The following TRMT9B variants were observed in gnomAD, a reference collection of about 807,000 sequenced individuals.
The protein encoded by TRMT9B is tRNA methyltransferase 9B (putative), also known as probable tRNA methyltransferase 9B.
A neutral mutation model predicts 11.5 loss-of-function variants in TRMT9B; 16 were observed. The ratio of observed to expected loss-of-function variants is 1.39; its 90% CI spans 0.94 to 2.11. The LOEUF (loss-of-function observed/expected upper bound fraction) is 2.11, where lower values mean the gene tolerates loss of function less well. Ranked by LOEUF, TRMT9B falls within the 30% of genes most tolerant of loss-of-function variation. TRMT9B has a pLI of 0.00. For synonymous variants in TRMT9B, 274 were observed against 192.4 expected, an observed-to-expected ratio of 1.42 and a Z score of -3.51; for missense variants, 941 against 553.8, an observed-to-expected ratio of 1.70 and a Z score of -7.02.
At chr8:12,972,507 C>A (rs1803789958) in intron 1 of TRMT9B, among the ~76,000 whole-genome samples, 1 of 152,188 alleles carries the variant, frequency 6.6e-6, no homozygotes, top group Admixed American at 6.5e-5. Context: ...AGGGCTGTTG[C>A]TGGCCAACTC....
At chr8:12,974,726 C>A (rs1474578396) in intron 1 of TRMT9B, among the ~76,000 whole-genome samples, 2 of 152,178 alleles carry the variant, frequency 1.3e-5, no homozygotes, top group Non-Finnish European at 2.9e-5. Flanking sequence ...AAAAGCATTT[C>A]ACTTCTCTTG....
intron 3 of TRMT9B, 112 bp from the exon 4 acceptor site, chr8:13,012,572 C>G (rs1162102625): frequency 1.5e-6 from 2 of 1,350,052 alleles, no homozygotes; most frequent in South Asian, 1.6e-5. Flanking sequence ...GAGACTCTGT[C>G]TCAAAATAAA....
intron 4 of TRMT9B, among the ~76,000 whole-genome samples, chr8:13,015,052 C>T (rs1267382188): frequency 6.7e-6 from 1 of 148,664 alleles, no homozygotes; most frequent in East Asian, 2.0e-4. Flanking sequence ...GAGTGAGACT[C>T]CATCTGAAAT....
chr8:12,956,310 C>G (rs982087028), intron 1 of TRMT9B, among the ~76,000 whole-genome samples: 2 of 152,070 alleles, frequency 1.3e-5, no homozygotes, highest in Non-Finnish European at 2.9e-5. Flanking sequence ...TAGAGATTGA[C>G]TTTGGAAAGG....
intron 2 of TRMT9B, among the ~76,000 whole-genome samples, chr8:12,997,439 G>T (rs1484591984): frequency 6.6e-6 from 1 of 152,106 alleles, no homozygotes. Context: ...CTGGTGCCAT[G>T]CTTGTACAGC....
intron 1 of TRMT9B, among the ~76,000 whole-genome samples, chr8:12,976,618 C>T (rs865930131): frequency 6.6e-6 from 1 of 152,004 alleles, no homozygotes; most frequent in African/African-American, 2.4e-5. Flanking sequence ...AATAACATAT[C>T]AGTACAGATT....
At chr8:13,005,941 G>A (rs561768973) in intron 2 of TRMT9B, among the ~76,000 whole-genome samples, 20 of 152,338 alleles carry the variant, frequency 1.3e-4, no homozygotes, top group African/African-American at 4.3e-4. Context: ...ATCTTGTACA[G>A]GAACTTATTA....
chr8:13,010,133 A>AAC, intron 3 of TRMT9B: 1 of 444,068 alleles, frequency 2.3e-6, no homozygotes, highest in Non-Finnish European at 3.0e-6. Flanking sequence ...GTGAGACCCT[A>AAC]TCTGAAAAAA....
intron 2 of TRMT9B, among the ~76,000 whole-genome samples, chr8:12,994,391 T>C (rs1807961050): frequency 6.6e-6 from 1 of 152,244 alleles, no homozygotes; most frequent in Non-Finnish European, 1.5e-5. Context: ...CTAGAAGGTA[T>C]TGACTAGGCA....
chr8:12,988,136 C>T (rs1030524209), intron 1 of TRMT9B, among the ~76,000 whole-genome samples: 2 of 152,004 alleles, frequency 1.3e-5, no homozygotes, highest in Non-Finnish European at 2.9e-5. Context: ...CTGGAATCAC[C>T]CACTTCTCCT....
At chr8:12,995,898 G>C (rs1253586189) in intron 2 of TRMT9B, among the ~76,000 whole-genome samples, 2 of 152,160 alleles carry the variant, frequency 1.3e-5, no homozygotes, top group African/African-American at 4.8e-5. Context: ...ATAAACAGTA[G>C]ACTAAATATC....
chr8:13,014,201 C>A (rs1427752094), intron 4 of TRMT9B, among the ~76,000 whole-genome samples: 1 of 152,190 alleles, frequency 6.6e-6, no homozygotes, highest in Non-Finnish European at 1.5e-5. Flanking sequence ...TGGAAACTTG[C>A]TCTCTGATAG....
At chr8:12,984,939 C>A (rs527947669) in intron 1 of TRMT9B, among the ~76,000 whole-genome samples, 1 of 147,480 alleles carries the variant, frequency 6.8e-6, no homozygotes, top group Non-Finnish European at 1.5e-5. Context: ...CCTCTTACAA[C>A]CACCTCCCTC....
At chr8:12,947,335 A>T (rs1196618090) in intron 1 of TRMT9B, among the ~76,000 whole-genome samples, 1 of 152,208 alleles carries the variant, frequency 6.6e-6, no homozygotes, top group African/African-American at 2.4e-5. Context: ...CCACTTCCTT[A>T]TGCATCAAGA....
rs1016741646 is a variant in TRMT9B, at chr8:13,007,485, C to G, written c.154+1129C>G. ...GTAAGTCTGTAGTTGCAAAGTGTGT[C>G]TAGTTTGATATTCTTTCTAAATACT... On this transcript the variant is annotated intron_variant, in intron 3 of 4. Coordinates refer to ENST00000524591, the MANE Select transcript of TRMT9B (RefSeq NM_020844.3). 2.6e-5 allele frequency: 4 copies of G among 152,240 alleles called. No homozygotes were observed. The East Asian group carries it at 7.7e-4, about 29-fold the overall frequency. The allele number at this position is 152,240 out of a possible 1,614,324, so 9.4% of individuals were successfully genotyped here.
Position 13,006,271 on chromosome 8 carries a change from C to G in TRMT9B, c.69C>G (p.Tyr23Ter). ...ATGTGTACGAGAGCACAGCCCCTTA[C>G]TTCAGCGACCTGCAGAGCAAAGCCT... Reference protein sequence around the residue: ...VHNVYESTAPYFSDLQSKAWP... With the variant: ...VHNVYESTAP Residue 23 changes from tyrosine (Y) to a stop codon, truncating the protein, a stop_gained, in exon 3 of 5, where the codon TAC (tyrosine) becomes TAG (stop). Transcript: ENST00000524591. LOFTEE classifies it high-confidence loss of function. 2 of 1,614,008 alleles carry G rather than the reference C, an allele frequency of 1.2e-6. No individual in the cohort carries two copies. Among genetic ancestry groups the G allele is most frequent in the Non-Finnish European group, 1.7e-6 (2 of 1,179,880 alleles).
Position 13,004,838 on chromosome 8 carries a change from G to A in TRMT9B, c.-1-1364G>A, listed in dbSNP as rs917583791. On this transcript the variant is annotated intron_variant, in intron 2 of 4. Coordinates refer to ENST00000524591, the MANE Select transcript of TRMT9B (RefSeq NM_020844.3). ...CACATTAGGTACCAGCTCGGCCACA[G>A]TGGGGAAGGGGTCTTTGGAAAGGGG... 2.8e-4 allele frequency among the ~76,000 whole-genome samples: 43 copies of A among 152,104 alleles called. 1 individual carries two copies. Among genetic ancestry groups the A allele is most frequent in the Non-Finnish European group, 8.8e-5 (6 of 68,018 alleles).
chr8:12,995,889 T>G (rs1220548684), intron 2 of TRMT9B, among the ~76,000 whole-genome samples: 1 of 152,214 alleles, frequency 6.6e-6, no homozygotes, highest in East Asian at 1.9e-4. Context: ...AAGAGCCACA[T>G]AAACAGTAGA....
chr8:12,954,477 C>G (rs889493338), intron 1 of TRMT9B, among the ~76,000 whole-genome samples: 4 of 152,146 alleles, frequency 2.6e-5, no homozygotes, highest in African/African-American at 9.7e-5. Flanking sequence ...TGTCACTGTT[C>G]TCATTTGTGT....
Sources: allele counts gnomAD v4.1 joint callset (sites outside exome capture counted in the v4.1 genomes callset), GRCh38; gene constraint gnomAD v4.1.1; transcripts MANE v1.5; gene names NCBI Gene and HGNC (gene_info 2026-07-23, HGNC 2026-07-21).